The following MAP4 variants were observed in gnomAD, a reference collection of about 807,000 sequenced individuals.
MAP4 encodes the protein microtubule-associated protein 4.
A neutral mutation model predicts 170.2 loss-of-function variants in MAP4; 76 were observed. The observed-to-expected ratio is 0.45, with a 90% confidence interval of 0.37 to 0.54. The LOEUF (loss-of-function observed/expected upper bound fraction) is 0.54. Ranked by LOEUF, MAP4 falls within the 20% of genes least tolerant of loss-of-function variation. MAP4 has a pLI of 0.00. For synonymous variants in MAP4, 909 were observed against 994.5 expected, an observed-to-expected ratio of 0.91 and a Z score of 1.62; for missense variants, 2,506 against 2,748.0, an observed-to-expected ratio of 0.91 and a Z score of 1.97.
chr3:48,040,741 T>C (rs2100121224), intron 1 of MAP4, among the ~76,000 whole-genome samples: 1 of 151,930 alleles, frequency 6.6e-6, no homozygotes. Flanking sequence ...TTTTTGTATT[T>C]TTAGTAGAGA....
At chr3:47,934,123 C>T (rs2100051421) in intron 3 of MAP4, among the ~76,000 whole-genome samples, 1 of 152,140 alleles carries the variant, frequency 6.6e-6, no homozygotes, top group Non-Finnish European at 1.5e-5. Context: ...CAGACTCAGG[C>T]ACTGGGTAAA....
At chr3:48,042,485 T>G (rs1336701827) in intron 1 of MAP4, among the ~76,000 whole-genome samples, 1 of 152,140 alleles carries the variant, frequency 6.6e-6, no homozygotes, top group Non-Finnish European at 1.5e-5. Context: ...AATCTGTACA[T>G]TTCTCCAAAG....
At chr3:47,880,754 T>C (rs935598709) in intron 10 of MAP4, among the ~76,000 whole-genome samples, 5 of 152,336 alleles carry the variant, frequency 3.3e-5, no homozygotes, top group Non-Finnish European at 7.3e-5. Context: ...CAAACCACCA[T>C]GCCCCATCAT....
intron 1 of MAP4, among the ~76,000 whole-genome samples, chr3:48,056,605 G>T (rs1179888080): frequency 7.9e-6 from 1 of 125,814 alleles, no homozygotes; most frequent in Non-Finnish European, 1.6e-5. Flanking sequence ...CGCCCCATCC[G>T]GGAGGGAGGT....
At chr3:48,031,091 A>C (rs2100115880) in intron 1 of MAP4, among the ~76,000 whole-genome samples, 1 of 152,146 alleles carries the variant, frequency 6.6e-6, no homozygotes, top group Non-Finnish European at 1.5e-5. Flanking sequence ...ATACTACCTA[A>C]GCCAAGTGAT....
chr3:47,951,958 C>T (rs369418203), intron 3 of MAP4, among the ~76,000 whole-genome samples: 21 of 151,574 alleles, frequency 1.4e-4, no homozygotes, highest in African/African-American at 4.4e-4. Context: ...CGTCTCTGCC[C>T]GGCCGCCCAC....
intron 1 of MAP4, among the ~76,000 whole-genome samples, chr3:48,063,016 C>T (rs770683045): frequency 6.6e-6 from 1 of 151,080 alleles, no homozygotes; most frequent in Non-Finnish European, 1.5e-5. Flanking sequence ...ATACGAATGG[C>T]AAATAAGCAT....
At chr3:48,088,371 A>G (rs2100150489) in intron 1 of MAP4, among the ~76,000 whole-genome samples, 6 of 151,696 alleles carry the variant, frequency 4.0e-5, no homozygotes, top group Admixed American at 3.9e-4. Context: ...TGACCCCCAC[A>G]AAGCCTCAGA....
intron 1 of MAP4, among the ~76,000 whole-genome samples, chr3:48,000,490 T>A (rs979575925): frequency 2.6e-5 from 4 of 152,122 alleles, no homozygotes; most frequent in Non-Finnish European, 4.4e-5. Context: ...CTATCTCCCC[T>A]AATACAAACC....
intron 10 of MAP4, among the ~76,000 whole-genome samples, chr3:47,884,054 G>C (rs1382522286): frequency 6.6e-6 from 1 of 152,124 alleles, no homozygotes; most frequent in Non-Finnish European, 1.5e-5. Flanking sequence ...GATGTTTGTT[G>C]TCATTATTTC....
chr3:47,912,126 T>A lies in MAP4; in HGVS notation c.2295A>T (p.Pro765=). 1 of 1,536,162 alleles carries A rather than the reference T, an allele frequency of 6.5e-7. No individual in the cohort carries two copies. The highest frequency in any genetic ancestry group is 8.7e-7 in the Non-Finnish European group (1 of 1,146,910). ...GREAWDIEST[P]IMMKKKKKKP... Reference sequence around the variant, plus strand: ...TCTTCTTCTTTTTCTTCATCATTATTGGTGTGCTTTCTATATCCCAGGCCT... The same window carrying A: ...TCTTCTTCTTTTTCTTCATCATTATAGGTGTGCTTTCTATATCCCAGGCCT... The change falls in exon 9 of 21, where the codon CCA becomes CCT. Residue 765 remains proline (P), a synonymous_variant. Coordinates refer to ENST00000683076, the MANE Select transcript of MAP4 (RefSeq NM_001385682.1).
intron 17 of MAP4, among the ~76,000 whole-genome samples, chr3:47,862,403 A>T (rs1266492986): frequency 6.6e-6 from 1 of 150,996 alleles, no homozygotes; most frequent in Non-Finnish European, 1.5e-5. Context: ...GTAGAGTAAA[A>T]ACAGCTTAAG....
At chr3:47,860,714 C>T (rs190611615) in intron 17 of MAP4, among the ~76,000 whole-genome samples, 17 of 152,182 alleles carry the variant, frequency 1.1e-4, no homozygotes, top group African/African-American at 3.9e-4. Context: ...AAAGAGACAA[C>T]CGAAGAATGA....
intron 10 of MAP4, among the ~76,000 whole-genome samples, chr3:47,896,542 C>T (rs1042213715): frequency 1.3e-5 from 2 of 151,524 alleles, no homozygotes; most frequent in African/African-American, 4.9e-5. Context: ...AACAAACAAA[C>T]AAAAAAACAA....
chr3:47,995,016 G>A (rs947119634), intron 2 of MAP4, among the ~76,000 whole-genome samples: 5 of 151,988 alleles, frequency 3.3e-5, no homozygotes, highest in African/African-American at 1.2e-4. Context: ...GGTTACTCCA[G>A]GAAGGAGAAC....
At chr3:48,047,329 C>T (rs981689567) in intron 1 of MAP4, among the ~76,000 whole-genome samples, 2 of 152,002 alleles carry the variant, frequency 1.3e-5, no homozygotes. Flanking sequence ...CAGTCTCTCA[C>T]CCAGTTCTCC....
intron 1 of MAP4, among the ~76,000 whole-genome samples, chr3:48,032,366 G>A (rs902819422): frequency 3.9e-5 from 6 of 152,008 alleles, no homozygotes; most frequent in African/African-American, 1.4e-4. Flanking sequence ...GATGGGCATG[G>A]TGGTGTGCGC....
At chr3:48,033,367 T>C (rs996126579) in intron 1 of MAP4, among the ~76,000 whole-genome samples, 1 of 152,214 alleles carries the variant, frequency 6.6e-6, no homozygotes, top group Non-Finnish European at 1.5e-5. Context: ...TAACTATCAG[T>C]TATCGCACTA....
chr3:48,003,263 G>C (rs1443023921), intron 1 of MAP4, among the ~76,000 whole-genome samples: 2 of 151,860 alleles, frequency 1.3e-5, no homozygotes, highest in African/African-American at 4.8e-5. Flanking sequence ...GACCATCCTG[G>C]TTAACATGGT....
Sources: gnomAD v4.1 joint callset for allele counts (sites outside exome capture counted in the v4.1 genomes callset) on GRCh38, gnomAD v4.1.1 for gene constraint, MANE v1.5 for transcripts, NCBI Gene and HGNC (gene_info 2026-07-23, HGNC 2026-07-21) for gene names.